SLC4A4: variants seen among roughly 807,000 people sequenced by gnomAD.
The protein encoded by SLC4A4 is solute carrier family 4 member 4.
Under a neutral mutation model 111.5 loss-of-function variants are expected in SLC4A4, and 27 were observed. That is an observed-to-expected ratio of 0.24 (90% CI 0.18 to 0.33). The LOEUF (loss-of-function observed/expected upper bound fraction) is 0.33. SLC4A4 is among the 10% of genes least tolerant of loss of function. The pLI is 1.00. For missense variants in SLC4A4, 909 were observed against 1,315.5 expected, an observed-to-expected ratio of 0.69 and a Z score of 4.78; for synonymous variants, 443 against 463.4, an observed-to-expected ratio of 0.96 and a Z score of 0.57.
intron 2 of SLC4A4, among the ~76,000 whole-genome samples, chr4:71,111,889 G>T (rs1007072165): frequency 6.6e-6 from 1 of 151,286 alleles, no homozygotes; most frequent in Non-Finnish European, 1.5e-5. Context: ...TAGAAACAGG[G>T]TTTCACCATG....
intron 14 of SLC4A4, among the ~76,000 whole-genome samples, chr4:71,484,923 A>C (rs903087529): frequency 6.6e-5 from 10 of 151,176 alleles, no homozygotes; most frequent in Non-Finnish European, 1.3e-4. Flanking sequence ...GGCAATTGTG[A>C]ATGGGAGTTT....
intron 3 of SLC4A4, among the ~76,000 whole-genome samples, chr4:71,287,160 A>G (rs1394115895): frequency 1.3e-5 from 2 of 152,238 alleles, no homozygotes; most frequent in African/African-American, 4.8e-5. Context: ...AGTACACATT[A>G]TACATTATAG....
At chr4:71,537,396 A>ATACATATGTGTGTG (rs1734637849) in intron 18 of SLC4A4, among the ~76,000 whole-genome samples, 1 of 87,366 alleles carries the variant, frequency 1.1e-5, no homozygotes, top group Non-Finnish European at 2.6e-5. Context: ...GTGTGTGTAT[A>ATACATATGTGTGTG]TATTATACAT....
chr4:71,484,302 C>G (rs1712223580), intron 14 of SLC4A4, among the ~76,000 whole-genome samples: 1 of 151,496 alleles, frequency 6.6e-6, no homozygotes, highest in South Asian at 2.1e-4. Flanking sequence ...TTTTTATAGT[C>G]TTGGGTTTTG....
chr4:71,131,733 G>T (rs1743712818), intron 2 of SLC4A4, among the ~76,000 whole-genome samples: 1 of 152,162 alleles, frequency 6.6e-6, no homozygotes, highest in African/African-American at 2.4e-5. Flanking sequence ...GGTAAAACAT[G>T]CTGGCTCTGG....
At chr4:71,472,621 G>A (rs779774215) in intron 13 of SLC4A4, 78 bp from the exon 14 acceptor site, 140 of 1,439,338 alleles carry the variant, frequency 9.7e-5, no homozygotes, top group Non-Finnish European at 1.2e-4. Context: ...CAATCTTTCT[G>A]TAGACATTTG....
At chr4:71,285,653 TAAAACAATTCTCAG>T (rs945503083) in intron 3 of SLC4A4, among the ~76,000 whole-genome samples, 5 of 152,190 alleles carry the variant, frequency 3.3e-5, no homozygotes, top group African/African-American at 9.7e-5. Context: ...TAACCAGCTA[TAAAACAATTCTCAG>T]AAAACAATTC....
chr4:71,085,078 C>T (rs1023621119), intron 1 of SLC4A4, among the ~76,000 whole-genome samples: 2 of 152,016 alleles, frequency 1.3e-5, no homozygotes, highest in Non-Finnish European at 2.9e-5. Context: ...TGTTTCCTGA[C>T]TTTTTAATGA....
intron 4 of SLC4A4, among the ~76,000 whole-genome samples, chr4:71,347,040 C>T (rs1729390152): frequency 6.6e-6 from 1 of 151,948 alleles, no homozygotes; most frequent in Non-Finnish European, 1.5e-5. Flanking sequence ...TTTATATTTC[C>T]ATTCCTTTAT....
At chr4:71,126,845 T>A (rs1743575130) in intron 2 of SLC4A4, among the ~76,000 whole-genome samples, 2 of 152,230 alleles carry the variant, frequency 1.3e-5, no homozygotes, top group Admixed American at 1.3e-4. Context: ...CACTTCCACA[T>A]ACTTTTGGTT....
chr4:71,323,824 A>G (rs146432612), intron 3 of SLC4A4, among the ~76,000 whole-genome samples: 4,151 of 151,812 alleles, frequency 0.027, 186 homozygotes, highest in African/African-American at 0.094. Flanking sequence ...TCCCCAAACT[A>G]CTGTGTTGTT....
Position 71,546,542 on chromosome 4 carries a change from G to A in SLC4A4, c.2621+14G>A. ...TCTAGGAGTGAGGTGTGTTAACTCA[G>A]AGGAAAATGGCTCCCGAAAACACAC... On this transcript the variant is annotated intron_variant, in intron 19 of 25. Transcript: ENST00000264485. The A allele has an allele frequency of 6.2e-7, 1 of 1,610,152 alleles. No homozygotes were observed.
chr4:71,419,173 C>T (rs1011735172), intron 7 of SLC4A4, among the ~76,000 whole-genome samples: 1 of 152,210 alleles, frequency 6.6e-6, no homozygotes, highest in Non-Finnish European at 1.5e-5. Flanking sequence ...GGCAGTCTGC[C>T]CGTTCTCAGA....
rs1206679963 is a variant in SLC4A4, at chr4:71,567,939, G to A, written c.*188G>A. 2 of 1,128,926 alleles carry A rather than the reference G, an allele frequency of 1.8e-6. No individual in the cohort carries two copies. The highest frequency in any genetic ancestry group is 3.2e-5 in the African/African-American group (2 of 63,106). 69.9% of individuals were successfully genotyped at this position (1,128,926 alleles called of 1,614,324 possible). A position where few individuals can be genotyped will look rare whatever the true frequency, so the allele number is the denominator to read the frequency against. ...CTGACATTTGTTGTTAATGTCATTT[G>A]TTTTTGTTTGGCTGTTTGTTTATTT... On this transcript the variant is annotated 3_prime_UTR_variant, in exon 26 of 26. Transcript: ENST00000264485.
At chr4:71,412,514 T>A (rs2149003108) in intron 7 of SLC4A4, among the ~76,000 whole-genome samples, 1 of 152,326 alleles carries the variant, frequency 6.6e-6, no homozygotes, top group Non-Finnish European at 1.5e-5. Context: ...AATATAAGGA[T>A]GAATTATATA....
At chr4:71,450,864 A>T (rs895907140) in intron 10 of SLC4A4, among the ~76,000 whole-genome samples, 3 of 152,234 alleles carry the variant, frequency 2.0e-5, no homozygotes, top group African/African-American at 4.8e-5. Context: ...TTTACTGAAG[A>T]TGAGTCCTTG....
chr4:71,407,305 A>C (rs534936544), intron 7 of SLC4A4, among the ~76,000 whole-genome samples: 1 of 152,336 alleles, frequency 6.6e-6, no homozygotes, highest in South Asian at 2.1e-4. Flanking sequence ...CAATGATTAA[A>C]ATACTCAATG....
chr4:71,471,916 T>C (rs771770045), intron 13 of SLC4A4, among the ~76,000 whole-genome samples: 29 of 151,928 alleles, frequency 1.9e-4, no homozygotes, highest in Non-Finnish European at 3.2e-4. Context: ...ATATCAGATC[T>C]GTGAGCAAGC....
chr4:71,167,284 T>A (rs1744803101), intron 2 of SLC4A4, among the ~76,000 whole-genome samples: 1 of 152,126 alleles, frequency 6.6e-6, no homozygotes, highest in South Asian at 2.1e-4. Context: ...CAAGGCAGCA[T>A]TAGGACAATT....
Sources: allele counts gnomAD v4.1 joint callset (sites outside exome capture counted in the v4.1 genomes callset), GRCh38; gene constraint gnomAD v4.1.1; transcripts MANE v1.5; gene names NCBI Gene and HGNC (gene_info 2026-07-23, HGNC 2026-07-21).